Variants in KIAA0825 observed in about 807,000 individuals in gnomAD.
KIAA0825 encodes the protein KIAA0825.
In KIAA0825, 119 loss-of-function variants were observed where a neutral mutation model predicts 147.6. That is an observed-to-expected ratio of 0.81 (90% confidence interval 0.69 to 0.94). The LOEUF (loss-of-function observed/expected upper bound fraction) is 0.94, where lower values mean the gene tolerates loss of function less well. Among genes scored for constraint, KIAA0825 ranks in the 40% least tolerant of loss-of-function variants. The pLI is 0.00. For missense variants in KIAA0825, 1,381 were observed against 1,472.7 expected (o/e 0.94, Z 1.02); for synonymous variants, 470 against 518.1 (o/e 0.91, Z 1.26).
At chr5:94,612,877 C>CTA (rs1255548762) in intron 1 of KIAA0825, among the ~76,000 whole-genome samples, 4 of 152,142 alleles carry the variant, frequency 2.6e-5, no homozygotes, top group African/African-American at 9.7e-5. Flanking sequence ...CAAAACAAAA[C>CTA]TAGAGACCTT....
intron 12 of KIAA0825, among the ~76,000 whole-genome samples, chr5:94,453,625 G>A (rs1241314411): frequency 6.6e-6 from 1 of 152,050 alleles, no homozygotes; most frequent in Non-Finnish European, 1.5e-5. Context: ...CACAAGTTGA[G>A]ATTTAGAATT....
At position 94,484,150 on chromosome 5, in the gene KIAA0825, G is replaced by A. The variant is rs974817492; in HGVS notation, c.1132+619C>T. 2.0e-5 allele frequency among the ~76,000 whole-genome samples: 3 copies of A among 151,466 alleles called. No individual in the cohort carries two copies. The South Asian group carries it at 6.2e-4, about 31-fold the overall frequency. Reference sequence around the variant, plus strand: ...GCTTTTTTCAAAGGGGTTTTGTTAAGACTAAACTAAAAACAACATATTCCA... The same window carrying A: ...GCTTTTTTCAAAGGGGTTTTGTTAAAACTAAACTAAAAACAACATATTCCA... On this transcript the variant is annotated intron_variant, in intron 6 of 20. Coordinates refer to ENST00000682413, the MANE Select transcript of KIAA0825 (RefSeq NM_001145678.3).
intron 20 of KIAA0825, among the ~76,000 whole-genome samples, chr5:94,304,576 C>CT (rs1018240486): frequency 1.3e-4 from 20 of 151,448 alleles, no homozygotes; most frequent in Admixed American, 4.0e-4. Context: ...CAGCCTATAT[C>CT]TTTTTTTTTC....
chr5:94,471,270 ATC>A (rs1298810313), intron 9 of KIAA0825, among the ~76,000 whole-genome samples, 194 bp downstream of exon 9: 1 of 151,876 alleles, frequency 6.6e-6, no homozygotes, highest in Non-Finnish European at 1.5e-5. Context: ...CTATCTTACT[ATC>A]TATGTATCTA....
At chr5:94,322,927 T>G (rs1271671197) in intron 20 of KIAA0825, among the ~76,000 whole-genome samples, 3 of 151,692 alleles carry the variant, frequency 2.0e-5, no homozygotes, top group Non-Finnish European at 4.4e-5. Context: ...TTTTTTTAAG[T>G]TGGTGATGTT....
In KIAA0825 at chr5:94,523,997, T is replaced by C. The variant is rs778216775; in HGVS notation, c.233A>G (p.Tyr78Cys). 1.2e-6 allele frequency: 2 copies of C among 1,609,596 alleles called. No individual in the cohort carries two copies. Among genetic ancestry groups the C allele is most frequent in the South Asian group, 1.1e-5 (1 of 90,754 alleles). The change falls in exon 4 of 21, where the codon TAT (tyrosine) becomes TGT (cysteine). Residue 78 changes from tyrosine (Y) to cysteine (C), a missense_variant. Physicochemically the swap from Tyr to Cys is radical, Grantham distance 194. Coordinates refer to ENST00000682413, the MANE Select transcript of KIAA0825 (RefSeq NM_001145678.3). ...AGATGATTCAGATGTACTGTAATTATAGTTAGTTAGCCATTCAAAGCAGTC... is the reference window on the plus strand; with the variant it reads ...AGATGATTCAGATGTACTGTAATTACAGTTAGTTAGCCATTCAAAGCAGTC... ...TTDCFEWLTN[Y>C]NYSTSESSFI...
At chr5:94,435,253 A>T (rs1756197447) in intron 14 of KIAA0825, among the ~76,000 whole-genome samples, 1 of 150,676 alleles carries the variant, frequency 6.6e-6, no homozygotes, top group Non-Finnish European at 1.5e-5. Context: ...CCTAGTATCC[A>T]TTAGCTATTT....
At position 94,424,896 on chromosome 5, in the gene KIAA0825, C is replaced by T. The variant is rs116734677; in HGVS notation, c.2498-7531G>A. ...AACAAATTGGAAGACCTGGAAGAAA[C>T]GGATAAATTCCTGGACACATATAAC... is the stretch of plus-strand genomic sequence containing the variant. On this transcript the variant is annotated intron_variant, in intron 14 of 20. Coordinates refer to ENST00000682413, the MANE Select transcript of KIAA0825 (RefSeq NM_001145678.3). 6.1e-3 allele frequency among the ~76,000 whole-genome samples: 928 copies of T among 152,126 alleles called. 16 individuals are homozygous for T. Among genetic ancestry groups the T allele is most frequent in the African/African-American group, 0.02 (849 of 41,494 alleles).
intron 20 of KIAA0825, among the ~76,000 whole-genome samples, chr5:94,215,095 T>A (rs553591050): frequency 6.6e-6 from 1 of 152,222 alleles, no homozygotes; most frequent in African/African-American, 2.4e-5. Context: ...CTTTGGAAGT[T>A]GCCAGAAAGT....
intron 20 of KIAA0825, among the ~76,000 whole-genome samples, chr5:94,277,438 A>G (rs1777271030): frequency 6.6e-6 from 1 of 152,166 alleles, no homozygotes; most frequent in African/African-American, 2.4e-5. Context: ...CCTATCAAAA[A>G]GTAGGCAAAG....
At chr5:94,469,582 GTA>G (rs1760970101) in intron 10 of KIAA0825, among the ~76,000 whole-genome samples, 1 of 152,198 alleles carries the variant, frequency 6.6e-6, no homozygotes, top group South Asian at 2.1e-4. Flanking sequence ...ATATGGAAAT[GTA>G]TAACAAGAAA....
chr5:94,365,144 C>T lies in KIAA0825; in HGVS notation c.3710+19224G>A, dbSNP rs553849717. On this transcript the variant is annotated intron_variant, in intron 20 of 20. Transcript: ENST00000682413. ...GGGCCCTCAAGCCTGTCTGTAAATC[C>T]GGTGCACTCCATGCATGGATGTGCA... 1.7e-4 allele frequency among the ~76,000 whole-genome samples: 26 copies of T among 152,248 alleles called. No homozygotes were observed. In the East Asian group the frequency reaches 3.5e-3, roughly 20 times the overall value.
chr5:94,258,234 G>T (rs1776334707), intron 20 of KIAA0825, among the ~76,000 whole-genome samples: 2 of 151,916 alleles, frequency 1.3e-5, no homozygotes, highest in South Asian at 4.2e-4. Context: ...GAAGAGGAAG[G>T]GTATTGGTGG....
intron 5 of KIAA0825, among the ~76,000 whole-genome samples, chr5:94,499,587 G>C (rs58456943): frequency 3.5e-5 from 2 of 56,646 alleles, no homozygotes. Flanking sequence ...TCCCAATCTG[G>C]GGGGGGGGGG....
chr5:94,408,037 C>T (rs1334235805), intron 15 of KIAA0825, among the ~76,000 whole-genome samples: 2 of 152,112 alleles, frequency 1.3e-5, no homozygotes, highest in African/African-American at 4.8e-5. Flanking sequence ...ACTGTGGAAG[C>T]ACAAAAGTAT....
intron 20 of KIAA0825, among the ~76,000 whole-genome samples, chr5:94,229,410 G>A (rs966934401): frequency 6.6e-6 from 1 of 151,224 alleles, no homozygotes; most frequent in Admixed American, 6.6e-5. Flanking sequence ...GAGTTATAAT[G>A]TTCGTGATGA....
intron 20 of KIAA0825, among the ~76,000 whole-genome samples, chr5:94,362,549 C>A (rs890714685): frequency 4.6e-5 from 7 of 152,222 alleles, no homozygotes; most frequent in Admixed American, 2.0e-4. Context: ...GTATCCCCAT[C>A]TCCAGATGTA....
intron 1 of KIAA0825, among the ~76,000 whole-genome samples, chr5:94,590,745 G>T (rs1784202487): frequency 6.6e-6 from 1 of 152,168 alleles, no homozygotes; most frequent in Non-Finnish European, 1.5e-5. Flanking sequence ...TCCACACATT[G>T]TCAATGTTGG....
intron 8 of KIAA0825, among the ~76,000 whole-genome samples, chr5:94,472,744 C>CA (rs1339754778): frequency 9.9e-5 from 15 of 151,880 alleles, no homozygotes; most frequent in Admixed American, 2.0e-4. Context: ...GCCCCCGTCT[C>CA]AAAAAAACAA....
Sources: allele counts gnomAD v4.1 joint callset (sites outside exome capture counted in the v4.1 genomes callset), GRCh38; gene constraint gnomAD v4.1.1; transcripts MANE v1.5; gene names NCBI Gene and HGNC (gene_info 2026-07-23, HGNC 2026-07-21).